CTNNA3: variants seen among roughly 807,000 people sequenced by gnomAD.
The protein encoded by CTNNA3 is catenin alpha-3.
In CTNNA3, 76 loss-of-function variants were observed where a neutral mutation model predicts 95.7. The ratio of observed to expected loss-of-function variants is 0.79; its 90% CI spans 0.66 to 0.96. CTNNA3 has a LOEUF of 0.96. Ranked by LOEUF, CTNNA3 falls within the 40% of genes least tolerant of loss-of-function variation. The pLI, the probability that CTNNA3 is intolerant of heterozygous loss-of-function variation, is 0.00. For synonymous variants in CTNNA3, 431 were observed against 374.4 expected (o/e 1.15, Z -1.74); for missense variants, 1,191 against 1,089.8 (o/e 1.09, Z -1.31).
At chr10:67,184,571 G>A (rs1270680930) in intron 6 of CTNNA3, among the ~76,000 whole-genome samples, 3 of 152,164 alleles carry the variant, frequency 2.0e-5, no homozygotes, top group South Asian at 4.1e-4. Flanking sequence ...TGTTTGTGCT[G>A]TTAATTGTCA....
At chr10:67,350,910 G>A (rs10997618) in intron 5 of CTNNA3, among the ~76,000 whole-genome samples, 2 of 141,804 alleles carry the variant, frequency 1.4e-5, no homozygotes, top group Non-Finnish European at 3.1e-5. Context: ...AAAAGTATGT[G>A]TATATATATA....
chr10:67,726,028 A>C (rs1416823327), intron 1 of CTNNA3, among the ~76,000 whole-genome samples: 2 of 132,918 alleles, frequency 1.5e-5, no homozygotes, highest in Admixed American at 8.5e-5. Context: ...ATATTTATAA[A>C]TGGAATTCTA....
At chr10:66,353,669 A>G (rs1295143058) in intron 12 of CTNNA3, among the ~76,000 whole-genome samples, 1 of 152,080 alleles carries the variant, frequency 6.6e-6, no homozygotes, top group Non-Finnish European at 1.5e-5. Context: ...GCAACCAAGC[A>G]AAAGTTAAGA....
intron 1 of CTNNA3, among the ~76,000 whole-genome samples, chr10:67,682,336 A>G (rs899520060): frequency 2.6e-5 from 4 of 152,026 alleles, no homozygotes; most frequent in Non-Finnish European, 5.9e-5. Flanking sequence ...CAAAAAAAAA[A>G]AAAGACTCAA....
rs375400315 is a variant in CTNNA3, at chr10:66,962,848, T to C, written c.1048-187324A>G. ...TTATCACCATATAATATAGTACTTA[T>C]TTTATTCATTTGTTTATCTGTCTTG... is the stretch of plus-strand genomic sequence containing the variant. On this transcript the variant is annotated intron_variant, in intron 7 of 17. Transcript: ENST00000433211. Among the ~76,000 whole-genome samples the C allele has an allele frequency of 1.6e-4, 25 of 152,324 alleles. No individual in the cohort carries two copies. The South Asian group carries it at 5.0e-3, about 30-fold the overall frequency.
At chr10:66,995,185 TCTC>T (rs1307712559) in intron 7 of CTNNA3, among the ~76,000 whole-genome samples, 1 of 152,084 alleles carries the variant, frequency 6.6e-6, no homozygotes, top group African/African-American at 2.4e-5. Flanking sequence ...ATTTCCATAC[TCTC>T]CTCCTTTTGT....
At position 67,370,967 on chromosome 10, in the gene CTNNA3, C is replaced by A. The variant is rs1344002976; in HGVS notation, c.579+150875G>T. 2.0e-5 allele frequency among the ~76,000 whole-genome samples: 3 copies of A among 148,466 alleles called. No homozygotes were observed. In the East Asian group the frequency reaches 5.9e-4, roughly 29 times the overall value. ...CTGCAAGCTGCGCCTCCCGGGTTCA[C>A]GCCATTCTCCTGCCTCAGCCTCCCA... On this transcript the variant is annotated intron_variant, in intron 5 of 17. Coordinates refer to ENST00000433211, the MANE Select transcript of CTNNA3 (RefSeq NM_013266.4).
At chr10:66,016,063 C>T (rs551966851) in intron 15 of CTNNA3, among the ~76,000 whole-genome samples, 17 of 152,166 alleles carry the variant, frequency 1.1e-4, no homozygotes, top group African/African-American at 4.1e-4. Context: ...CATGTCTCTC[C>T]CTAGATCTTG....
intron 5 of CTNNA3, among the ~76,000 whole-genome samples, chr10:67,383,402 A>G (rs551154133): frequency 6.0e-4 from 92 of 152,330 alleles, no homozygotes; most frequent in African/African-American, 2.2e-3. Context: ...CCCATCTTAC[A>G]GCTGAGGAAA....
intron 13 of CTNNA3, among the ~76,000 whole-genome samples, chr10:66,253,547 T>C (rs537642252): frequency 2.6e-5 from 4 of 152,176 alleles, no homozygotes; most frequent in Non-Finnish European, 5.9e-5. Flanking sequence ...CTCATTGAAA[T>C]GGTAGAAGAG....
At chr10:66,060,394 A>AT (rs2080170214) in intron 15 of CTNNA3, among the ~76,000 whole-genome samples, 1 of 152,090 alleles carries the variant, frequency 6.6e-6, no homozygotes, top group African/African-American at 2.4e-5. Flanking sequence ...CATGTATCTA[A>AT]TTTTGCTCCT....
chr10:67,315,964 C>G (rs16924366), intron 5 of CTNNA3, among the ~76,000 whole-genome samples: 7,924 of 152,064 alleles, frequency 0.052, 665 homozygotes, highest in African/African-American at 0.18. Flanking sequence ...AAATTGACTC[C>G]TAATAAATAG....
At chr10:65,980,772 G>A (rs2078304664) in intron 16 of CTNNA3, among the ~76,000 whole-genome samples, 1 of 151,896 alleles carries the variant, frequency 6.6e-6, no homozygotes, top group Admixed American at 6.6e-5. Flanking sequence ...CACAGAAAAA[G>A]CATTTGACAA....
intron 7 of CTNNA3, among the ~76,000 whole-genome samples, chr10:67,171,313 G>A (rs1184072740): frequency 1.3e-5 from 2 of 152,114 alleles, no homozygotes; most frequent in African/African-American, 2.4e-5. Context: ...AGTGGCTCAC[G>A]CCCATAATCC....
intron 3 of CTNNA3, among the ~76,000 whole-genome samples, chr10:67,555,597 T>C (rs1448334262): frequency 6.6e-6 from 1 of 152,230 alleles, no homozygotes; most frequent in Non-Finnish European, 1.5e-5. Flanking sequence ...TTTTTGTACA[T>C]TGATTTTGTA....
At chr10:66,770,688 C>A (rs1484320003) in intron 8 of CTNNA3, among the ~76,000 whole-genome samples, 1 of 151,900 alleles carries the variant, frequency 6.6e-6, no homozygotes, top group African/African-American at 2.4e-5. Context: ...TAAAAAAGCC[C>A]CACCATTCCC....
chr10:67,403,531 A>T (rs1845007273), intron 5 of CTNNA3: 1 of 152,206 alleles, frequency 6.6e-6, no homozygotes, highest in South Asian at 2.1e-4. Context: ...ACCCTCACCC[A>T]TGTTCTATGG....
rs1198111960 is a variant in CTNNA3, at chr10:66,019,943, A to T, written c.2160-31146T>A. Reference sequence around the variant, plus strand: ...ATATTACATTCAGTATAGATATGAGACCAACTTATTTACCTCAGAGGAATT... The same window carrying T: ...ATATTACATTCAGTATAGATATGAGTCCAACTTATTTACCTCAGAGGAATT... On this transcript the variant is annotated intron_variant, in intron 15 of 17. Coordinates refer to ENST00000433211, the MANE Select transcript of CTNNA3 (RefSeq NM_013266.4). Among the ~76,000 whole-genome samples, 5 of 152,314 alleles carry T rather than the reference A, an allele frequency of 3.3e-5. No homozygotes were observed. In the East Asian group the frequency reaches 7.7e-4, roughly 24 times the overall value.
chr10:66,802,728 A>C (rs1273812712), intron 7 of CTNNA3, among the ~76,000 whole-genome samples: 2 of 151,684 alleles, frequency 1.3e-5, no homozygotes, highest in Non-Finnish European at 2.9e-5. Flanking sequence ...AAAAAAAAAA[A>C]CCCTCAAATG....
Sources: gnomAD v4.1 joint callset for allele counts (sites outside exome capture counted in the v4.1 genomes callset) on GRCh38, gnomAD v4.1.1 for gene constraint, MANE v1.5 for transcripts, NCBI Gene and HGNC (gene_info 2026-07-23, HGNC 2026-07-21) for gene names.